The following ELMO1 variants were observed in gnomAD, a reference collection of about 807,000 sequenced individuals.
The protein encoded by ELMO1 is engulfment and cell motility protein 1.
ELMO1 carries 26 observed loss-of-function variants against 98.9 expected under a neutral mutation model. That is an observed-to-expected ratio of 0.26 (90% CI 0.19 to 0.36). The LOEUF (loss-of-function observed/expected upper bound fraction) is 0.36. Among genes scored for constraint, ELMO1 ranks in the 10% least tolerant of loss-of-function variants. ELMO1 has a pLI of 1.00. For synonymous variants in ELMO1, 346 were observed against 346.0 expected, an observed-to-expected ratio of 1.00 and a Z score of 0.00; for missense variants, 627 against 935.2, an observed-to-expected ratio of 0.67 and a Z score of 4.30.
chr7:37,172,137 A>C (rs1790208309), intron 13 of ELMO1, among the ~76,000 whole-genome samples: 1 of 152,184 alleles, frequency 6.6e-6, no homozygotes, highest in Non-Finnish European at 1.5e-5. Context: ...GCTGACTTAG[A>C]GTGAGTACAC....
chr7:37,033,189 T>C (rs910809969), intron 15 of ELMO1, among the ~76,000 whole-genome samples: 1 of 152,114 alleles, frequency 6.6e-6, no homozygotes, highest in African/African-American at 2.4e-5. Context: ...GACACTTCTG[T>C]GTGCAGTTCT....
chr7:37,436,955 G>A (rs1805176600), intron 1 of ELMO1, among the ~76,000 whole-genome samples: 3 of 152,040 alleles, frequency 2.0e-5, no homozygotes, highest in Admixed American at 2.0e-4. Context: ...TGATCATCTG[G>A]CTCAGATTAA....
intron 1 of ELMO1, among the ~76,000 whole-genome samples, chr7:37,366,866 G>A (rs556538405): frequency 6.6e-6 from 1 of 152,328 alleles, no homozygotes; most frequent in East Asian, 1.9e-4. Flanking sequence ...AGACAAGAGC[G>A]AAGCCCAGGA....
chr7:37,128,116 C>T (rs190145719), intron 14 of ELMO1, among the ~76,000 whole-genome samples: 2 of 152,266 alleles, frequency 1.3e-5, no homozygotes, highest in Admixed American at 1.3e-4. Flanking sequence ...TCACTTGAAC[C>T]CAGGACACGG....
chr7:37,318,368 C>A (rs1036971481), intron 2 of ELMO1, among the ~76,000 whole-genome samples: 1 of 152,110 alleles, frequency 6.6e-6, no homozygotes, highest in African/African-American at 2.4e-5. Context: ...AATAACGGAG[C>A]CAGGTTTTAG....
intron 16 of ELMO1, among the ~76,000 whole-genome samples, chr7:36,968,366 T>C (rs1789622520): frequency 6.6e-6 from 1 of 152,228 alleles, no homozygotes; most frequent in Non-Finnish European, 1.5e-5. Context: ...ATATTGCCAT[T>C]TTCAGAAAGA....
At chr7:37,345,450 G>A (rs1303621811) in intron 1 of ELMO1, among the ~76,000 whole-genome samples, 2 of 151,874 alleles carry the variant, frequency 1.3e-5, no homozygotes, top group African/African-American at 2.4e-5. Flanking sequence ...GGTGGCTCAC[G>A]CCTGTAATCC....
intron 16 of ELMO1, among the ~76,000 whole-genome samples, chr7:36,973,096 T>C (rs776868351): frequency 5.3e-5 from 8 of 152,204 alleles, no homozygotes; most frequent in Non-Finnish European, 7.3e-5. Context: ...CTCTGGTATA[T>C]ATTTTTGAGG....
intron 16 of ELMO1, among the ~76,000 whole-genome samples, chr7:37,008,282 T>C (rs1455048080): frequency 6.6e-6 from 1 of 152,230 alleles, no homozygotes; most frequent in Non-Finnish European, 1.5e-5. Context: ...CACCAGCCAT[T>C]AAATATGTGA....
chr7:37,333,585 C>A (rs563723502), intron 2 of ELMO1, among the ~76,000 whole-genome samples: 1 of 152,252 alleles, frequency 6.6e-6, no homozygotes, highest in South Asian at 2.1e-4. Flanking sequence ...TGTTTTTCTT[C>A]AAAAACTTGG....
chr7:37,141,184 AC>A (rs1787614897), intron 13 of ELMO1, among the ~76,000 whole-genome samples: 2 of 152,264 alleles, frequency 1.3e-5, no homozygotes, highest in Non-Finnish European at 2.9e-5. Flanking sequence ...ATTTATATAC[AC>A]CATGGAATAT....
At chr7:37,295,959 A>G (rs1235606236) in intron 4 of ELMO1, among the ~76,000 whole-genome samples, 1 of 152,232 alleles carries the variant, frequency 6.6e-6, no homozygotes, top group Non-Finnish European at 1.5e-5. Context: ...AGGAAACGTG[A>G]ATACATTCCC....
Position 37,013,263 on chromosome 7 carries a change from C to T in ELMO1, c.1437+36G>A, listed in dbSNP as rs751650974. On this transcript the variant is annotated intron_variant, in intron 16 of 21. Coordinates refer to ENST00000310758, the MANE Select transcript of ELMO1 (RefSeq NM_014800.11). The stretch of plus-strand genomic sequence containing the variant: ...CATGCAGCAGGCCCCTTTAGCGCTG[C>T]GGGAATCCCCTGCCTCTATCCGAGA... 4.6e-5 allele frequency: 74 copies of T among 1,610,176 alleles called. 1 individual carries two copies. Among genetic ancestry groups the T allele is most frequent in the South Asian group, 2.6e-4 (24 of 90,818 alleles).
chr7:37,373,987 C>T (rs1052188640), intron 1 of ELMO1, among the ~76,000 whole-genome samples: 6 of 152,156 alleles, frequency 3.9e-5, no homozygotes, highest in Admixed American at 1.3e-4. Context: ...TGTTGGATTT[C>T]GTTACTTATT....
At chr7:36,912,206 A>G (rs924816769) in intron 16 of ELMO1, among the ~76,000 whole-genome samples, 1 of 152,194 alleles carries the variant, frequency 6.6e-6, no homozygotes, top group African/African-American at 2.4e-5. Context: ...ACATCCAGCA[A>G]CTTCTGAGAT....
At chr7:36,898,043 C>T (rs758596228) in intron 16 of ELMO1, among the ~76,000 whole-genome samples, 1 of 152,190 alleles carries the variant, frequency 6.6e-6, no homozygotes, top group African/African-American at 2.4e-5. Flanking sequence ...GGTCACTCTG[C>T]ATGTCAAGGA....
At chr7:37,047,704 A>G (rs903142557) in intron 15 of ELMO1, among the ~76,000 whole-genome samples, 3 of 152,188 alleles carry the variant, frequency 2.0e-5, no homozygotes, top group African/African-American at 7.2e-5. Context: ...CTGTGTATGC[A>G]TTGGAAAGGC....
At chr7:37,257,902 G>A (rs1795765120) in intron 6 of ELMO1, among the ~76,000 whole-genome samples, 1 of 151,762 alleles carries the variant, frequency 6.6e-6, no homozygotes, top group African/African-American at 2.4e-5. Context: ...GGGAGGCAGA[G>A]GCAGGCAGAT....
rs564935541 is a variant in ELMO1 at position 37,401,505 on chromosome 7, G to T, written c.-74+47170C>A. On this transcript the variant is annotated intron_variant, in intron 1 of 21. Transcript: ENST00000310758. Reference sequence around the variant, plus strand: ...TGCTATAACGACATACCCAAGACTGGGTAATTTATAAAGGAAACAAGTTTA... The same window carrying T: ...TGCTATAACGACATACCCAAGACTGTGTAATTTATAAAGGAAACAAGTTTA... 3.3e-5 allele frequency among the ~76,000 whole-genome samples: 5 copies of T among 152,224 alleles called. No homozygotes were observed. The South Asian group carries it at 1.0e-3, about 32-fold the overall frequency.
Sources: allele counts gnomAD v4.1 joint callset (sites outside exome capture counted in the v4.1 genomes callset), GRCh38; gene constraint gnomAD v4.1.1; transcripts MANE v1.5; gene names NCBI Gene and HGNC (gene_info 2026-07-23, HGNC 2026-07-21).